Variants in RBM19 observed in about 807,000 individuals in gnomAD.
RBM19 encodes the protein probable RNA-binding protein 19.
Under a neutral mutation model 116.8 loss-of-function variants are expected in RBM19, and 94 were observed. The observed-to-expected ratio is 0.80, with a 90% CI of 0.68 to 0.95. The LOEUF (loss-of-function observed/expected upper bound fraction) is 0.95. Ranked by LOEUF, RBM19 falls within the 40% of genes least tolerant of loss-of-function variation. The pLI is 0.00. For missense variants in RBM19, 1,161 were observed against 1,220.7 expected (o/e 0.95, Z 0.73); for synonymous variants, 475 against 494.1 (o/e 0.96, Z 0.51).
At chr12:113,877,350 G>A (rs1879744164) in intron 21 of RBM19, among the ~76,000 whole-genome samples, 1 of 152,120 alleles carries the variant, frequency 6.6e-6, no homozygotes, top group Non-Finnish European at 1.5e-5. Flanking sequence ...AAGTATCTAT[G>A]GCCCCCACTA....
At chr12:113,923,655 C>T (rs2135871260) in intron 18 of RBM19, among the ~76,000 whole-genome samples, 1 of 152,348 alleles carries the variant, frequency 6.6e-6, no homozygotes, top group East Asian at 1.9e-4. Flanking sequence ...GGCTTGGCCA[C>T]TGCAGTGTGA....
intron 21 of RBM19, among the ~76,000 whole-genome samples, chr12:113,879,983 T>C (rs1419447835): frequency 6.6e-6 from 1 of 151,746 alleles, no homozygotes; most frequent in African/African-American, 2.4e-5. Context: ...CCCTACAAAA[T>C]GACAGCTCCC....
Position 113,828,047 on chromosome 12 carries a change from G to A in RBM19, c.2786-4726C>T, listed in dbSNP as rs374592997. Among the ~76,000 whole-genome samples the A allele has an allele frequency of 4.1e-5, 6 of 146,816 alleles. No individual in the cohort carries two copies. In the East Asian group the frequency reaches 1.0e-3, roughly 25 times the overall value. On this transcript the variant is annotated intron_variant, in intron 23 of 23. Transcript: ENST00000261741. ...GTTACTGAGAGCACGAGGGTGGGCT[G>A]CTCCCCTCCTCTATAACACGATGAT...
At chr12:113,861,123 G>A (rs1878329665) in intron 21 of RBM19, among the ~76,000 whole-genome samples, 1 of 152,242 alleles carries the variant, frequency 6.6e-6, no homozygotes. Context: ...ATCCAGGCAT[G>A]TCTGACGTTA....
intron 9 of RBM19, among the ~76,000 whole-genome samples, chr12:113,949,531 C>T (rs1222169935): frequency 6.6e-6 from 1 of 152,180 alleles, no homozygotes; most frequent in African/African-American, 2.4e-5. Flanking sequence ...GCTCTCCATC[C>T]TTCTCTAACA....
intron 9 of RBM19, 32 bp from the exon 10 acceptor site, chr12:113,949,068 GA>G (rs1871278967): frequency 6.3e-7 from 1 of 1,590,812 alleles, no homozygotes; most frequent in African/African-American, 1.3e-5. Flanking sequence ...GCTCCAGGGG[GA>G]GGCCTAGAAC....
Position 113,958,200 on chromosome 12 carries a change from C to T in RBM19, c.572-150G>A, listed in dbSNP as rs999086198. The T allele has an allele frequency of 3.5e-6, 5 of 1,428,806 alleles. No homozygotes were observed. The Admixed American group carries it at 1.3e-4, about 38-fold the overall frequency. 88.5% of individuals were successfully genotyped at this position (1,428,806 alleles called of 1,614,324 possible). A position where few individuals can be genotyped will look rare whatever the true frequency, so the allele number is the denominator to read the frequency against. ...CTGTGCCCAGCATCCCCCATAAGTCCTCTGATTAGCAATACCAAAACGGGG... is the reference window on the plus strand; with the variant it reads ...CTGTGCCCAGCATCCCCCATAAGTCTTCTGATTAGCAATACCAAAACGGGG... On this transcript the variant is annotated intron_variant, in intron 5 of 23. Coordinates refer to ENST00000261741, the MANE Select transcript of RBM19 (RefSeq NM_016196.4).
chr12:113,933,129 C>T (rs1869752646), intron 16 of RBM19, among the ~76,000 whole-genome samples: 1 of 151,900 alleles, frequency 6.6e-6, no homozygotes, highest in Non-Finnish European at 1.5e-5. Context: ...ACGCTGTCCC[C>T]CTCCCTCGAG....
At position 113,898,695 on chromosome 12, in the gene RBM19, A is replaced by G. The variant is rs1881499478; in HGVS notation, c.2558+16274T>C. Among the ~76,000 whole-genome samples, 1 of 152,220 alleles carries G rather than the reference A, an allele frequency of 6.6e-6. No individual in the cohort carries two copies. The highest frequency in any genetic ancestry group is 1.5e-5 in the Non-Finnish European group (1 of 68,044). The stretch of plus-strand genomic sequence containing the variant: ...CTTCAATTTGGTATTCTCATCCTGC[A>G]CAAGCACTTACTTATGCAAACAGGC... On this transcript the variant is annotated intron_variant, in intron 21 of 23. Coordinates refer to ENST00000261741, the MANE Select transcript of RBM19 (RefSeq NM_016196.4). The surrounding 1 kb of genome is among the most constrained non-coding windows in gnomAD (Gnocchi z 4.3).
chr12:113,924,864 T>C, intron 17 of RBM19, 107 bp from the exon 18 acceptor site: 1 of 915,472 alleles, frequency 1.1e-6, no homozygotes, highest in South Asian at 1.3e-5. Context: ...CACCTTGGGG[T>C]CCCAAAAACA....
chr12:113,913,868 A>G (rs930847700), intron 21 of RBM19, among the ~76,000 whole-genome samples: 2 of 152,322 alleles, frequency 1.3e-5, no homozygotes, highest in South Asian at 4.1e-4. Context: ...ATCCCACCGA[A>G]GCCTCAACAA....
At chr12:113,859,259 G>A (rs760743490) in intron 21 of RBM19, among the ~76,000 whole-genome samples, 1 of 152,222 alleles carries the variant, frequency 6.6e-6, no homozygotes, top group Non-Finnish European at 1.5e-5. Context: ...TGAGGGGCCT[G>A]GCCAGGGCAA....
chr12:113,963,279 G>GCCCCACA (rs1872646565), intron 1 of RBM19, among the ~76,000 whole-genome samples: 1 of 152,180 alleles, frequency 6.6e-6, no homozygotes, highest in Non-Finnish European at 1.5e-5. Context: ...TGGTCAAGAA[G>GCCCCACA]CCCCACACTA....
At chr12:113,924,819 T>A in intron 17 of RBM19, 62 bp from the exon 18 acceptor site, 1 of 1,379,434 alleles carries the variant, frequency 7.2e-7, no homozygotes, top group Non-Finnish European at 1.0e-6. Flanking sequence ...CAAGGGCACC[T>A]GTCAAACACT....
chr12:113,923,595 C>T (rs900058149), intron 18 of RBM19, among the ~76,000 whole-genome samples: 1 of 152,216 alleles, frequency 6.6e-6, no homozygotes, highest in Non-Finnish European at 1.5e-5. Flanking sequence ...AACTTGCCTA[C>T]CTTTCTAGGT....
chr12:113,918,497 C>T (rs367737572), intron 19 of RBM19, 50 bp from the exon 20 acceptor site: 3 of 1,594,774 alleles, frequency 1.9e-6, no homozygotes, highest in East Asian at 2.2e-5. Flanking sequence ...GAAATACTCA[C>T]CCGAATCCTT....
At chr12:113,866,438 T>C (rs142695088) in intron 21 of RBM19, among the ~76,000 whole-genome samples, 65 of 152,246 alleles carry the variant, frequency 4.3e-4, no homozygotes, top group African/African-American at 1.5e-3. Flanking sequence ...ACTTAAATGG[T>C]ATTTCTAAAT....
intron 21 of RBM19, among the ~76,000 whole-genome samples, chr12:113,912,522 T>C (rs781225757): frequency 1.5e-4 from 23 of 152,306 alleles, no homozygotes; most frequent in Admixed American, 3.3e-4. Flanking sequence ...TTCAGCGGCA[T>C]GGTCCCAGGC....
chr12:113,956,784 C>T (rs1003550690), intron 6 of RBM19, among the ~76,000 whole-genome samples: 1 of 152,044 alleles, frequency 6.6e-6, no homozygotes, highest in Non-Finnish European at 1.5e-5. Flanking sequence ...AGACCTGGGG[C>T]TAAGTCCTGA....
Sources: gnomAD v4.1 joint callset for allele counts (sites outside exome capture counted in the v4.1 genomes callset) on GRCh38, gnomAD v4.1.1 for gene constraint, Gnocchi (gnomAD v3.1) non-coding constraint, MANE v1.5 for transcripts, NCBI Gene and HGNC (gene_info 2026-07-23, HGNC 2026-07-21) for gene names.